Variants in GLIPR1L2 observed in about 807,000 individuals in gnomAD.
The protein encoded by GLIPR1L2 is GLIPR1 like 2.
A neutral mutation model predicts 28.4 loss-of-function variants in GLIPR1L2; 21 were observed. That is an observed-to-expected ratio of 0.74 (90% CI 0.52 to 1.06). GLIPR1L2 has a LOEUF of 1.06. GLIPR1L2 is among the 50% of genes least tolerant of loss of function. The pLI is 0.00. For missense variants in GLIPR1L2, 476 were observed against 416.9 expected (o/e 1.14, Z -1.23); for synonymous variants, 145 against 139.3 (o/e 1.04, Z -0.29).
At chr12:75,413,029 G>GCA (rs2045885677) in intron 2 of GLIPR1L2, among the ~76,000 whole-genome samples, 1 of 151,874 alleles carries the variant, frequency 6.6e-6, no homozygotes, top group Non-Finnish European at 1.5e-5. Context: ...AAAATGATGA[G>GCA]TTCATGTCCT....
At chr12:75,396,204 G>A (rs1164166137) in intron 1 of GLIPR1L2, among the ~76,000 whole-genome samples, 1 of 151,720 alleles carries the variant, frequency 6.6e-6, no homozygotes, top group African/African-American at 2.4e-5. Flanking sequence ...TCACTCTCTT[G>A]CCCAGGCTGG....
chr12:75,426,001 G>A (rs948269380), intron 4 of GLIPR1L2, among the ~76,000 whole-genome samples: 33 of 152,210 alleles, frequency 2.2e-4, no homozygotes, highest in African/African-American at 7.7e-4. Flanking sequence ...TTCAACATGT[G>A]AATAATTGTA....
At chr12:75,411,289 C>A (rs1201192276) in intron 2 of GLIPR1L2, among the ~76,000 whole-genome samples, 1 of 151,766 alleles carries the variant, frequency 6.6e-6, no homozygotes, top group East Asian at 1.9e-4. Context: ...CATAACAACA[C>A]GACGTTATTT....
At chr12:75,410,382 G>T in intron 1 of GLIPR1L2, 52 bp from the exon 2 acceptor site, 1 of 1,410,458 alleles carries the variant, frequency 7.1e-7, no homozygotes, top group South Asian at 1.7e-5. Flanking sequence ...AAATATTTTA[G>T]ACTACAAAAA....
chr12:75,400,984 GT>G (rs1367525112), intron 1 of GLIPR1L2, among the ~76,000 whole-genome samples: 1 of 151,860 alleles, frequency 6.6e-6, no homozygotes, highest in Non-Finnish European at 1.5e-5. Context: ...GGTAATTGAA[GT>G]TAAAGATAGT....
intron 1 of GLIPR1L2, among the ~76,000 whole-genome samples, chr12:75,408,312 G>T (rs1484455638): frequency 6.6e-6 from 1 of 151,934 alleles, no homozygotes; most frequent in Non-Finnish European, 1.5e-5. Context: ...TAAACTTAGA[G>T]TTGGGAATTA....
intron 1 of GLIPR1L2, among the ~76,000 whole-genome samples, chr12:75,406,979 A>G (rs931444583): frequency 1.3e-5 from 2 of 151,938 alleles, no homozygotes; most frequent in African/African-American, 2.4e-5. Context: ...CCCACACTCA[A>G]TATCTGATTA....
At chr12:75,393,736 T>G (rs1489429598) in intron 1 of GLIPR1L2, among the ~76,000 whole-genome samples, 1 of 152,034 alleles carries the variant, frequency 6.6e-6, no homozygotes, top group African/African-American at 2.4e-5. Context: ...AGTTCCTGAT[T>G]TTGCTGTTTT....
At chr12:75,396,435 A>T (rs1272383116) in intron 1 of GLIPR1L2, among the ~76,000 whole-genome samples, 1 of 152,210 alleles carries the variant, frequency 6.6e-6, no homozygotes, top group Non-Finnish European at 1.5e-5. Flanking sequence ...GTATTGCACT[A>T]CCACTTTCTG....
chr12:75,415,919 G>A (rs189570581), intron 3 of GLIPR1L2, among the ~76,000 whole-genome samples: 1 of 152,046 alleles, frequency 6.6e-6, no homozygotes, highest in East Asian at 1.9e-4. Context: ...ATATTTTAAG[G>A]TCAGTGGTGC....
chr12:75,414,681 G>T (rs1222914855), intron 3 of GLIPR1L2, among the ~76,000 whole-genome samples: 1 of 152,008 alleles, frequency 6.6e-6, no homozygotes, highest in African/African-American at 2.4e-5. Context: ...GGAAGCATTG[G>T]GATACCTATT....
intron 3 of GLIPR1L2, among the ~76,000 whole-genome samples, chr12:75,414,907 G>T (rs535342173): frequency 6.6e-6 from 1 of 152,024 alleles, no homozygotes; most frequent in Non-Finnish European, 1.5e-5. Context: ...ACACTTTTTA[G>T]TAAGTGAACA....
At chr12:75,391,583 G>A (rs752316245) in intron 1 of GLIPR1L2, 5 of 1,421,786 alleles carry the variant, frequency 3.5e-6, no homozygotes, top group Non-Finnish European at 4.7e-6. Flanking sequence ...TGGAGGCACT[G>A]GCCTGAAGTG....
chr12:75,396,436 C>T (rs1231228930), intron 1 of GLIPR1L2, among the ~76,000 whole-genome samples: 1 of 152,172 alleles, frequency 6.6e-6, no homozygotes, highest in African/African-American at 2.4e-5. Context: ...TATTGCACTA[C>T]CACTTTCTGG....
At chr12:75,398,841 T>A (rs1387442737) in intron 1 of GLIPR1L2, among the ~76,000 whole-genome samples, 7 of 152,176 alleles carry the variant, frequency 4.6e-5, no homozygotes, top group Admixed American at 4.6e-4. Context: ...TTGATATGAA[T>A]CATTCTAATA....
chr12:75,431,059 G>A lies in GLIPR1L2; in HGVS notation c.933G>A (p.Glu311=). The A allele has an allele frequency of 2.2e-6, 3 of 1,383,874 alleles. No individual in the cohort carries two copies. The highest frequency in any genetic ancestry group is 3.9e-5 in the Admixed American group (2 of 50,670). The allele number at this position is 1,383,874 out of a possible 1,614,324, so 85.7% of individuals were successfully genotyped here. Residue 311 remains glutamate, a synonymous_variant, in exon 6 of 6, where the codon GAG becomes GAA. Transcript: ENST00000550916. ...EEKEEEKKEK[E]EMEMEIMEME... Reference sequence around the variant, plus strand: ...AAGAGGAAGAGAAGAAAGAGAAAGAGGAAATGGAAATGGAAATAATGGAAA... The same window carrying A: ...AAGAGGAAGAGAAGAAAGAGAAAGAAGAAATGGAAATGGAAATAATGGAAA...
At chr12:75,416,255 G>T (rs1414937735) in intron 3 of GLIPR1L2, among the ~76,000 whole-genome samples, 1 of 152,070 alleles carries the variant, frequency 6.6e-6, no homozygotes, top group Admixed American at 6.6e-5. Flanking sequence ...GGGTATATTA[G>T]ATAGAAAAAT....
intron 2 of GLIPR1L2, among the ~76,000 whole-genome samples, chr12:75,412,328 G>A (rs1849047824): frequency 6.6e-6 from 1 of 151,974 alleles, no homozygotes; most frequent in South Asian, 2.1e-4. Context: ...GTTCTTACAA[G>A]CTAAAATTGA....
chr12:75,423,078 T>C, intron 4 of GLIPR1L2, 89 bp downstream of exon 4: 3 of 1,599,768 alleles, frequency 1.9e-6, no homozygotes, highest in Non-Finnish European at 2.6e-6. Flanking sequence ...TATGGTCATG[T>C]TAATATTATT....
Sources: allele counts gnomAD v4.1 joint callset (sites outside exome capture counted in the v4.1 genomes callset), GRCh38; gene constraint gnomAD v4.1.1; transcripts MANE v1.5; gene names NCBI Gene and HGNC (gene_info 2026-07-23, HGNC 2026-07-21).